Variants in MSI2 observed in about 807,000 individuals in gnomAD.
MSI2 encodes the protein musashi RNA binding protein 2.
In MSI2, 17 loss-of-function variants were observed where a neutral mutation model predicts 45.6. The ratio of observed to expected loss-of-function variants is 0.37; its 90% confidence interval spans 0.26 to 0.56. MSI2 has a LOEUF of 0.56. Among genes scored for constraint, MSI2 ranks in the 20% least tolerant of loss-of-function variants. The pLI is 0.77. For missense variants in MSI2, 293 were observed against 444.2 expected (o/e 0.66, Z 3.06); for synonymous variants, 156 against 158.2 (o/e 0.99, Z 0.11).
intron 6 of MSI2, among the ~76,000 whole-genome samples, chr17:57,429,391 G>A (rs1457673266): frequency 1.3e-5 from 2 of 152,192 alleles, no homozygotes; most frequent in African/African-American, 4.8e-5. Context: ...CAGACACTGG[G>A]CAAAGGGTGA....
intron 5 of MSI2, among the ~76,000 whole-genome samples, chr17:57,304,596 T>G (rs1185427631): frequency 6.6e-6 from 1 of 151,608 alleles, no homozygotes; most frequent in Non-Finnish European, 1.5e-5. Context: ...CTAATTTTTG[T>G]ATTTTGAATA....
intron 5 of MSI2, among the ~76,000 whole-genome samples, chr17:57,334,640 A>C (rs1914544551): frequency 6.6e-6 from 1 of 152,106 alleles, no homozygotes; most frequent in African/African-American, 2.4e-5. Flanking sequence ...CTAAAAATAC[A>C]AAAATTAGCC....
intron 5 of MSI2, among the ~76,000 whole-genome samples, chr17:57,269,667 G>A (rs982036080): frequency 1.3e-5 from 2 of 152,132 alleles, no homozygotes; most frequent in Non-Finnish European, 2.9e-5. Context: ...CCAAAGTCCT[G>A]TACTTTGTCC....
intron 6 of MSI2, among the ~76,000 whole-genome samples, chr17:57,484,882 C>T (rs554259136): frequency 1.3e-5 from 2 of 152,304 alleles, no homozygotes; most frequent in East Asian, 1.9e-4. Context: ...GCCACCTGCT[C>T]CATGAGGCCT....
intron 6 of MSI2, among the ~76,000 whole-genome samples, chr17:57,402,867 C>G (rs2084018228): frequency 6.6e-6 from 1 of 152,114 alleles, no homozygotes; most frequent in Non-Finnish European, 1.5e-5. Context: ...CTGGCTGGGT[C>G]TAAAGAATAG....
At chr17:57,646,108 C>T (rs1442840688) in intron 10 of MSI2, among the ~76,000 whole-genome samples, 1 of 152,186 alleles carries the variant, frequency 6.6e-6, no homozygotes, top group Non-Finnish European at 1.5e-5. Context: ...TCAACTGATG[C>T]TCATTGACAG....
intron 6 of MSI2, among the ~76,000 whole-genome samples, chr17:57,466,450 CA>C (rs1258612142): frequency 6.6e-6 from 1 of 152,230 alleles, no homozygotes; most frequent in Non-Finnish European, 1.5e-5. Context: ...CGATTTCAAA[CA>C]GACACGGGCT....
intron 10 of MSI2, among the ~76,000 whole-genome samples, chr17:57,634,785 G>A (rs1318667794): frequency 6.6e-6 from 1 of 152,160 alleles, no homozygotes; most frequent in Non-Finnish European, 1.5e-5. Context: ...TCATGGTCTG[G>A]GTTTCTTCTC....
At chr17:57,258,178 T>C (rs983522248) in intron 3 of MSI2, 92 bp from the exon 4 acceptor site, 1 of 1,110,084 alleles carries the variant, frequency 9.0e-7, no homozygotes, top group Non-Finnish European at 1.4e-6. Flanking sequence ...GGGCAACTTT[T>C]GCTCCTCATT....
intron 5 of MSI2, among the ~76,000 whole-genome samples, chr17:57,395,972 C>G (rs982001805): frequency 6.6e-6 from 1 of 152,194 alleles, no homozygotes; most frequent in African/African-American, 2.4e-5. Context: ...GCATCCTACC[C>G]AGTGCTAGCA....
In MSI2 at chr17:57,410,182, A is replaced by G. The variant is rs533192206; in HGVS notation, c.405+8711A>G. Among the ~76,000 whole-genome samples the G allele has an allele frequency of 3.3e-5, 5 of 151,872 alleles. No homozygotes were observed. The East Asian group carries it at 9.7e-4, about 29-fold the overall frequency. ...TCTAGGAACTTGGGCCTTGCAAACT[A>G]GAATGAATTGGTCACCTTCAAGCGG... is the stretch of plus-strand genomic sequence containing the variant. On this transcript the variant is annotated intron_variant, in intron 6 of 13. Coordinates refer to ENST00000284073, the MANE Select transcript of MSI2 (RefSeq NM_138962.4).
intron 6 of MSI2, among the ~76,000 whole-genome samples, chr17:57,507,838 G>C (rs925847819): frequency 6.6e-6 from 1 of 152,178 alleles, no homozygotes; most frequent in Non-Finnish European, 1.5e-5. Context: ...TGTAGGACGG[G>C]TCTTGTTGTA....
intron 11 of MSI2, among the ~76,000 whole-genome samples, chr17:57,668,801 G>A (rs11658684): frequency 0.23 from 34,395 of 152,088 alleles, 4,743 homozygotes; most frequent in East Asian, 0.41. Context: ...CAGTTTTAAA[G>A]TATTTTCCCC....
intron 8 of MSI2, among the ~76,000 whole-genome samples, chr17:57,599,590 T>C (rs1905636798): frequency 6.6e-6 from 1 of 152,218 alleles, no homozygotes; most frequent in Non-Finnish European, 1.5e-5. Flanking sequence ...TAAGGGTTTG[T>C]GTTTGCCTTT....
chr17:57,388,488 CAAGAAGGG>C (rs1345293184), intron 5 of MSI2, among the ~76,000 whole-genome samples: 2 of 152,184 alleles, frequency 1.3e-5, no homozygotes, highest in African/African-American at 4.8e-5. Flanking sequence ...AATAGCTGGG[CAAGAAGGG>C]ACCTGCTGGT....
chr17:57,287,685 T>C (rs1264792378), intron 5 of MSI2, among the ~76,000 whole-genome samples: 2 of 152,170 alleles, frequency 1.3e-5, no homozygotes, highest in Admixed American at 1.3e-4. Context: ...CCCTGCCTGG[T>C]TGAAACCTTC....
At chr17:57,427,428 A>G (rs565190270) in intron 6 of MSI2, among the ~76,000 whole-genome samples, 1 of 152,140 alleles carries the variant, frequency 6.6e-6, no homozygotes, top group African/African-American at 2.4e-5. Context: ...AAGAAAATAA[A>G]AGAAAAAATG....
At chr17:57,698,839 G>A in the MSI2 span, among the ~76,000 whole-genome samples, 3 of 151,842 alleles carry the variant, frequency 2.0e-5, no homozygotes, top group Admixed American at 6.6e-5. Context: ...TCTCCTCAGA[G>A]GCAATTGTTC....
chr17:57,633,874 G>C (rs16942109), intron 10 of MSI2, among the ~76,000 whole-genome samples: 1,579 of 152,258 alleles, frequency 0.01, 30 homozygotes, highest in African/African-American at 0.036. Flanking sequence ...TCTCCAGAGT[G>C]GTTTTCCCAT....
Sources: gnomAD v4.1 joint callset for allele counts (sites outside exome capture counted in the v4.1 genomes callset) on GRCh38, gnomAD v4.1.1 for gene constraint, MANE v1.5 for transcripts, NCBI Gene and HGNC (gene_info 2026-07-23, HGNC 2026-07-21) for gene names.